Variants in TULP4 observed in about 807,000 individuals in gnomAD.
The protein encoded by TULP4 is tubby-related protein 4.
TULP4 carries 16 observed loss-of-function variants against 129.0 expected under a neutral mutation model. The observed-to-expected ratio is 0.12, with a 90% CI of 0.08 to 0.19. The LOEUF (loss-of-function observed/expected upper bound fraction) is 0.19. TULP4 is among the 10% of genes least tolerant of loss of function. The pLI, the probability that TULP4 is intolerant of heterozygous loss-of-function variation, is 1.00. For missense variants in TULP4, 1,842 were observed against 2,059.1 expected (o/e 0.89, Z 2.04); for synonymous variants, 998 against 854.0 (o/e 1.17, Z -2.94).
chr6:158,440,728 A>G (rs941446777), intron 3 of TULP4, among the ~76,000 whole-genome samples: 8 of 152,218 alleles, frequency 5.3e-5, no homozygotes, highest in Admixed American at 4.6e-4. Context: ...CTTCAGGGCT[A>G]TCTTTATCCA....
chr6:158,240,839 G>T (rs987758925), intron 1 of TULP4, among the ~76,000 whole-genome samples: 1 of 149,660 alleles, frequency 6.7e-6, no homozygotes. Context: ...CTGGCTGGGC[G>T]GGGGGGCTGA....
intron 2 of TULP4, among the ~76,000 whole-genome samples, chr6:158,417,585 T>G (rs1778238443): frequency 6.6e-6 from 1 of 152,148 alleles, no homozygotes; most frequent in African/African-American, 2.4e-5. Context: ...GAGTCAGATC[T>G]TACCCGACTA....
intron 1 of TULP4, among the ~76,000 whole-genome samples, chr6:158,323,477 A>C (rs1470842805): frequency 6.6e-6 from 1 of 152,198 alleles, no homozygotes; most frequent in African/African-American, 2.4e-5. Context: ...CATTTTATGC[A>C]ACTCTTCTGG....
chr6:158,458,183 G>C (rs568635518), intron 5 of TULP4, among the ~76,000 whole-genome samples: 1 of 152,092 alleles, frequency 6.6e-6, no homozygotes, highest in East Asian at 1.9e-4. Context: ...AAATTTAGCT[G>C]CCTCTTTTTG....
intron 5 of TULP4, among the ~76,000 whole-genome samples, chr6:158,453,156 C>T (rs1779201808): frequency 6.6e-6 from 1 of 152,040 alleles, no homozygotes; most frequent in Non-Finnish European, 1.5e-5. Flanking sequence ...AATTATTCAG[C>T]AGTCACAGGG....
intron 2 of TULP4, among the ~76,000 whole-genome samples, chr6:158,424,631 A>G (rs897194674): frequency 3.3e-5 from 5 of 152,242 alleles, no homozygotes; most frequent in African/African-American, 1.2e-4. Flanking sequence ...TTGTTGTATT[A>G]TTTAGGGGTA....
At chr6:158,387,657 C>CT (rs1180283319) in intron 1 of TULP4, among the ~76,000 whole-genome samples, 1 of 152,060 alleles carries the variant, frequency 6.6e-6, no homozygotes, top group Non-Finnish European at 1.5e-5. Context: ...TTCAGGTTGT[C>CT]TTTTTTTGCA....
At chr6:158,422,047 G>A (rs368785333) in intron 2 of TULP4, among the ~76,000 whole-genome samples, 1 of 152,108 alleles carries the variant, frequency 6.6e-6, no homozygotes, top group Non-Finnish European at 1.5e-5. Flanking sequence ...TCATTGGTCA[G>A]ATAGGTATTT....
intron 1 of TULP4, chr6:158,238,296 G>T: frequency 1.8e-6 from 2 of 1,112,620 alleles, no homozygotes; most frequent in Non-Finnish European, 2.7e-6. Context: ...CGCAGAGCTG[G>T]GCACCTTGGG....
intron 6 of TULP4, among the ~76,000 whole-genome samples, chr6:158,473,381 A>C (rs569139066): frequency 2.6e-5 from 4 of 152,324 alleles, no homozygotes; most frequent in South Asian, 4.1e-4. Context: ...TAAAACTAAA[A>C]TTTGGTTGAC....
chr6:158,404,604 C>T (rs999025684), intron 1 of TULP4, among the ~76,000 whole-genome samples: 2 of 151,758 alleles, frequency 1.3e-5, no homozygotes, highest in Non-Finnish European at 2.9e-5. Flanking sequence ...GGTGAAACCC[C>T]GTCTCTACTA....
At chr6:158,471,663 C>A (rs1270854844) in intron 6 of TULP4, among the ~76,000 whole-genome samples, 1 of 152,118 alleles carries the variant, frequency 6.6e-6, no homozygotes, top group African/African-American at 2.4e-5. Flanking sequence ...GAGGCCAGGG[C>A]ATTGGCAAAA....
chr6:158,477,918 A>G lies in TULP4; in HGVS notation c.1027-1833A>G, dbSNP rs144025790. On this transcript the variant is annotated intron_variant, in intron 6 of 13. Transcript: ENST00000367097. ...TGATACATAAACACCATGGAATACT[A>G]TGCAGCCATAAAAAAGAACAAGATC... 2.3e-3 allele frequency among the ~76,000 whole-genome samples: 345 copies of G among 152,366 alleles called. 1 individual carries two copies. Among genetic ancestry groups the G allele is most frequent in the African/African-American group, 7.7e-3 (319 of 41,590 alleles).
At chr6:158,260,937 C>T (rs1295404773) in intron 1 of TULP4, among the ~76,000 whole-genome samples, 7 of 151,900 alleles carry the variant, frequency 4.6e-5, no homozygotes, top group Admixed American at 2.0e-4. Context: ...TCTCCTGCCT[C>T]AGCCTCCCGA....
At position 158,413,261 on chromosome 6, in the gene TULP4, G is replaced by A. The variant is rs1473546015; in HGVS notation, c.381+68G>A. 16 of 1,530,586 alleles carry A rather than the reference G, an allele frequency of 1.0e-5. No homozygotes were observed. Among genetic ancestry groups the A allele is most frequent in the Non-Finnish European group, 1.4e-5 (16 of 1,131,904 alleles). The allele number at this position is 1,530,586 out of a possible 1,614,324, so 94.8% of individuals were successfully genotyped here. On this transcript the variant is annotated intron_variant, in intron 2 of 13. Coordinates refer to ENST00000367097, the MANE Select transcript of TULP4 (RefSeq NM_020245.5). The surrounding 1 kb of genome is among the most constrained non-coding windows in gnomAD (Gnocchi z 4.9). ...AGAGGACTCCCAGACAGGCATTCCG[G>A]AGCCAGTGCGTTAGCACCACACAGC...
At chr6:158,415,704 C>T (rs936516459) in intron 2 of TULP4, among the ~76,000 whole-genome samples, 3 of 151,554 alleles carry the variant, frequency 2.0e-5, no homozygotes, top group African/African-American at 7.3e-5. Flanking sequence ...CAGTCTCAGG[C>T]AGGTCCTTCA....
chr6:158,256,323 C>T (rs1368592107), intron 1 of TULP4, among the ~76,000 whole-genome samples: 1 of 152,150 alleles, frequency 6.6e-6, no homozygotes, highest in African/African-American at 2.4e-5. Flanking sequence ...ATATATATAA[C>T]TTCTGTGTGT....
At chr6:158,436,764 TTAAA>T (rs1778762834) in intron 3 of TULP4, among the ~76,000 whole-genome samples, 1 of 152,226 alleles carries the variant, frequency 6.6e-6, no homozygotes, top group Non-Finnish European at 1.5e-5. Context: ...CTGGTAAGTA[TTAAA>T]TAGTCACCAT....
intron 1 of TULP4, among the ~76,000 whole-genome samples, chr6:158,343,251 A>G (rs1219148025): frequency 6.6e-6 from 1 of 152,154 alleles, no homozygotes; most frequent in Non-Finnish European, 1.5e-5. Context: ...TGGAACTCAG[A>G]TTCTGGTTGA....
Sources: gnomAD v4.1 joint callset for allele counts (sites outside exome capture counted in the v4.1 genomes callset) on GRCh38, gnomAD v4.1.1 for gene constraint, Gnocchi (gnomAD v3.1) non-coding constraint, MANE v1.5 for transcripts, NCBI Gene and HGNC (gene_info 2026-07-23, HGNC 2026-07-21) for gene names.